The following RGS6 variants were observed in gnomAD, a reference collection of about 807,000 sequenced individuals.
RGS6 encodes regulator of G-protein signaling 6.
In RGS6, 30 loss-of-function variants were observed where a neutral mutation model predicts 78.5. That is an observed-to-expected ratio of 0.38 (90% CI 0.29 to 0.52). The LOEUF (loss-of-function observed/expected upper bound fraction) is 0.52. Ranked by LOEUF, RGS6 falls within the 20% of genes least tolerant of loss-of-function variation. The probability of loss-of-function intolerance (pLI) is 0.85; values close to 1 mark genes in which losing one functional copy is unlikely to be tolerated. For missense variants in RGS6, 495 were observed against 609.7 expected (o/e 0.81, Z 1.98); for synonymous variants, 206 against 206.0 (o/e 1.00, Z 0.00).
At position 72,226,778 on chromosome 14, in the gene RGS6, C is replaced by G. The variant is rs1194558006; in HGVS notation, c.85-125317C>G. On this transcript the variant is annotated intron_variant, in intron 2 of 17. Transcript: ENST00000553525. Reference sequence around the variant, plus strand: ...AGTGCAGTGGCGCAATCTTGGCTCACTGCAACCTCCACCTCCTGGGTTCAA... The same window carrying G: ...AGTGCAGTGGCGCAATCTTGGCTCAGTGCAACCTCCACCTCCTGGGTTCAA... 2.0e-5 allele frequency among the ~76,000 whole-genome samples: 3 copies of G among 152,262 alleles called. No homozygotes were observed. The East Asian group carries it at 5.8e-4, about 29-fold the overall frequency.
At chr14:72,476,670 G>A in intron 10 of RGS6, 72 bp from the exon 11 acceptor site, 2 of 1,189,942 alleles carry the variant, frequency 1.7e-6, no homozygotes. Context: ...ATGAGTCATT[G>A]GACTAGCTGA....
chr14:72,629,810 C>T, the RGS6 span: 2 of 1,192,218 alleles, frequency 1.7e-6, no homozygotes, highest in Non-Finnish European at 2.4e-6. Flanking sequence ...TCACTGGAAA[C>T]ACATTGATGC....
chr14:72,606,732 G>T, the RGS6 span, among the ~76,000 whole-genome samples: 5 of 152,232 alleles, frequency 3.3e-5, no homozygotes, highest in Admixed American at 6.5e-5. Flanking sequence ...GGGGCCTAGT[G>T]GGAAGTGTTT....
intron 2 of RGS6, among the ~76,000 whole-genome samples, chr14:72,090,317 C>T (rs960726921): frequency 3.3e-5 from 5 of 152,082 alleles, no homozygotes; most frequent in East Asian, 1.9e-4. Context: ...TGTTAGAAGC[C>T]GAGTGGCACA....
intron 1 of RGS6, among the ~76,000 whole-genome samples, chr14:71,958,271 T>G (rs974898264): frequency 7.2e-5 from 11 of 152,178 alleles, no homozygotes; most frequent in African/African-American, 2.7e-4. Context: ...TTGGAAAAAC[T>G]GTGGGCATTG....
In RGS6 at chr14:72,048,590, T is replaced by C. The variant is rs138809392; in HGVS notation, c.84+83715T>C. ...GTATTTAGAAGTTTCCAGTCAATCATTGCTCTTATCAGGGGTTCTTAAAGG... is the reference window on the plus strand; with the variant it reads ...GTATTTAGAAGTTTCCAGTCAATCACTGCTCTTATCAGGGGTTCTTAAAGG... On this transcript the variant is annotated intron_variant, in intron 2 of 17. Transcript: ENST00000553525. Among the ~76,000 whole-genome samples the C allele has an allele frequency of 1.4e-4, 21 of 152,320 alleles. No individual in the cohort carries two copies. The East Asian group carries it at 3.7e-3, about 27-fold the overall frequency.
At chr14:72,237,447 T>C (rs1423457716) in intron 2 of RGS6, among the ~76,000 whole-genome samples, 1 of 152,114 alleles carries the variant, frequency 6.6e-6, no homozygotes, top group Admixed American at 6.5e-5. Context: ...AAAACCCACA[T>C]GACATGTTGG....
At chr14:72,025,552 GGT>G (rs759633674) in intron 2 of RGS6, among the ~76,000 whole-genome samples, 1 of 152,060 alleles carries the variant, frequency 6.6e-6, no homozygotes, top group Non-Finnish European at 1.5e-5. Context: ...GGGGATTTCG[GGT>G]GGGGAGAGCC....
the RGS6 span, among the ~76,000 whole-genome samples, chr14:72,608,752 C>T: frequency 6.6e-6 from 1 of 152,202 alleles, no homozygotes; most frequent in African/African-American, 2.4e-5. Flanking sequence ...TGTGGCTTCC[C>T]TGGTGCTATG....
At position 72,095,460 on chromosome 14, in the gene RGS6, T is replaced by C. The variant is rs1408832128; in HGVS notation, c.84+130585T>C. ...GATTTTCTAGGAGGGAAGTGCAAAGTGGTGGTGCTGGCCACAGCTTTCCTT... is the reference window on the plus strand; with the variant it reads ...GATTTTCTAGGAGGGAAGTGCAAAGCGGTGGTGCTGGCCACAGCTTTCCTT... On this transcript the variant is annotated intron_variant, in intron 2 of 17. Transcript: ENST00000553525. Among the ~76,000 whole-genome samples, 9 of 152,308 alleles carry C rather than the reference T, an allele frequency of 5.9e-5. No homozygotes were observed. In the East Asian group the frequency reaches 1.5e-3, roughly 26 times the overall value.
chr14:72,602,511 C>A, the RGS6 span, among the ~76,000 whole-genome samples: 1 of 152,172 alleles, frequency 6.6e-6, no homozygotes. Flanking sequence ...GCATTGCCAG[C>A]CTTCTCTCAA....
At chr14:71,929,905 A>C (rs1258521007), upstream of RGS6, among the ~76,000 whole-genome samples, 1 of 152,240 alleles carries the variant, frequency 6.6e-6, no homozygotes. Flanking sequence ...GAACCCCTTC[A>C]AGCTGACTTC....
At chr14:72,553,715 C>T (rs112237304) in intron 17 of RGS6, among the ~76,000 whole-genome samples, 37 of 152,322 alleles carry the variant, frequency 2.4e-4, no homozygotes, top group African/African-American at 8.9e-4. Flanking sequence ...AGGGAATACC[C>T]ACTACCTTTG....
At chr14:72,513,596 C>G (rs1283748902) in intron 14 of RGS6, among the ~76,000 whole-genome samples, 3 of 152,232 alleles carry the variant, frequency 2.0e-5, no homozygotes, top group Admixed American at 6.5e-5. Flanking sequence ...AGGCAGGGGC[C>G]TCACAGCTCT....
At chr14:72,480,414 A>T (rs2096348531) in intron 12 of RGS6, among the ~76,000 whole-genome samples, 1 of 152,018 alleles carries the variant, frequency 6.6e-6, no homozygotes, top group Admixed American at 6.6e-5. Context: ...ACCTGGTACC[A>T]CCTAATTATG....
chr14:71,951,908 A>G (rs1004166695), intron 1 of RGS6, among the ~76,000 whole-genome samples: 3 of 152,112 alleles, frequency 2.0e-5, no homozygotes, highest in Non-Finnish European at 4.4e-5. Context: ...ATTGTTGCTG[A>G]TATACAAAAA....
chr14:71,991,943 A>T (rs2094970732), intron 2 of RGS6, among the ~76,000 whole-genome samples: 1 of 152,236 alleles, frequency 6.6e-6, no homozygotes, highest in South Asian at 2.1e-4. Context: ...GTATTCTAAT[A>T]AAACTTTATG....
At chr14:72,308,937 T>G (rs2067898826) in intron 2 of RGS6, among the ~76,000 whole-genome samples, 1 of 152,182 alleles carries the variant, frequency 6.6e-6, no homozygotes, top group African/African-American at 2.4e-5. Flanking sequence ...CTTTAGGATC[T>G]TTTTCTCTAA....
intron 2 of RGS6, among the ~76,000 whole-genome samples, chr14:72,017,623 T>A (rs1253886314): frequency 2.0e-5 from 3 of 152,196 alleles, no homozygotes; most frequent in Admixed American, 2.0e-4. Flanking sequence ...AGTTTGCCTA[T>A]CTTCACAAAA....
Sources: gnomAD v4.1 joint callset for allele counts (sites outside exome capture counted in the v4.1 genomes callset) on GRCh38, gnomAD v4.1.1 for gene constraint, MANE v1.5 for transcripts, NCBI Gene and HGNC (gene_info 2026-07-23, HGNC 2026-07-21) for gene names.